The following AOAH variants were observed in gnomAD, a reference collection of about 807,000 sequenced individuals.
AOAH encodes the protein acyloxyacyl hydrolase (neutrophil).
AOAH carries 64 observed loss-of-function variants against 92.2 expected under a neutral mutation model. That is an observed-to-expected ratio of 0.69 (90% CI 0.57 to 0.86). The LOEUF (loss-of-function observed/expected upper bound fraction) is 0.86. Among genes scored for constraint, AOAH ranks in the 40% least tolerant of loss-of-function variants. The probability of loss-of-function intolerance (pLI) is 0.00; values close to 1 mark genes in which losing one functional copy is unlikely to be tolerated. For missense variants in AOAH, 656 were observed against 694.6 expected (o/e 0.94, Z 0.62); for synonymous variants, 263 against 254.5 (o/e 1.03, Z -0.32).
intron 13 of AOAH, among the ~76,000 whole-genome samples, chr7:36,565,164 T>C (rs1185224580): frequency 6.6e-6 from 1 of 152,232 alleles, no homozygotes; most frequent in Non-Finnish European, 1.5e-5. Context: ...CCTTTTTATA[T>C]GAAGCATCTC....
chr7:36,678,438 G>A (rs2116695600), intron 2 of AOAH, among the ~76,000 whole-genome samples: 1 of 152,296 alleles, frequency 6.6e-6, no homozygotes, highest in Middle Eastern at 3.4e-3. Flanking sequence ...ATGCAGAACT[G>A]GCTTAGCCTA....
In AOAH at chr7:36,594,387, T is replaced by G. The variant is rs377277672; in HGVS notation, c.890A>C (p.Asp297Ala). 6.2e-7 allele frequency: 1 copy of G among 1,614,138 alleles called. No individual in the cohort carries two copies. The highest frequency in any genetic ancestry group is 1.3e-5 in the African/African-American group (1 of 75,054). ...TGTAGCACCAGAGAGTTGGGGCCAG[T>G]CAAGCTCGTTGGTAAGGGCTGTTGG... ...NLPTALTNEL[D>A]WPQLSGATGF... The change falls in exon 12 of 21, where the codon GAC becomes GCC. Residue 297 changes from aspartate to alanine, a missense_variant. By Grantham distance (126) the Asp-to-Ala change is moderately radical. Transcript: ENST00000617537.
intron 11 of AOAH, among the ~76,000 whole-genome samples, chr7:36,603,917 C>T (rs1165430976): frequency 1.3e-5 from 2 of 152,188 alleles, no homozygotes. Context: ...TATATTTTCT[C>T]TGTCTATATT....
At chr7:36,639,295 T>C (rs1388486793) in intron 4 of AOAH, among the ~76,000 whole-genome samples, 1 of 152,226 alleles carries the variant, frequency 6.6e-6, no homozygotes, top group Non-Finnish European at 1.5e-5. Context: ...ACTATTCTTA[T>C]GGTGACTTTG....
chr7:36,557,283 T>A (rs1157629262), intron 13 of AOAH, among the ~76,000 whole-genome samples: 3 of 152,316 alleles, frequency 2.0e-5, no homozygotes, highest in Middle Eastern at 3.4e-3. Flanking sequence ...GGTTGAAAAT[T>A]CTTTTCTTTA....
At chr7:36,553,091 G>T (rs954260553) in intron 13 of AOAH, among the ~76,000 whole-genome samples, 1 of 150,286 alleles carries the variant, frequency 6.7e-6, no homozygotes, top group South Asian at 2.1e-4. Context: ...CTAGCATTAG[G>T]TATATCTCCC....
intron 1 of AOAH, among the ~76,000 whole-genome samples, chr7:36,693,845 T>C (rs1270865571): frequency 6.6e-6 from 1 of 152,212 alleles, no homozygotes; most frequent in African/African-American, 2.4e-5. Context: ...GCATCACTTT[T>C]GTTCCTCTTT....
At chr7:36,709,649 T>A (rs1018446719) in intron 1 of AOAH, among the ~76,000 whole-genome samples, 1 of 151,952 alleles carries the variant, frequency 6.6e-6, no homozygotes, top group Non-Finnish European at 1.5e-5. Flanking sequence ...TCTAATTACA[T>A]CTGCATTTTG....
At chr7:36,637,782 T>C in intron 5 of AOAH, 69 bp downstream of exon 5, 1 of 1,450,662 alleles carries the variant, frequency 6.9e-7, no homozygotes, top group Non-Finnish European at 9.7e-7. Context: ...CTTTGGGATG[T>C]GAAAGCCGGG....
chr7:36,671,497 C>T (rs1795921715), intron 3 of AOAH, among the ~76,000 whole-genome samples: 1 of 152,204 alleles, frequency 6.6e-6, no homozygotes, highest in Admixed American at 6.5e-5. Context: ...CAGTTACAAA[C>T]AGCTGTGGTA....
At position 36,619,229 on chromosome 7, in the gene AOAH, A is replaced by G. The variant is rs144982693; in HGVS notation, c.703-884T>C. Among the ~76,000 whole-genome samples the G allele has an allele frequency of 3.3e-5, 5 of 152,272 alleles. No individual in the cohort carries two copies. The East Asian group carries it at 9.6e-4, about 29-fold the overall frequency. On this transcript the variant is annotated intron_variant, in intron 9 of 20. Transcript: ENST00000617537. ...TGGGACACAGTATGGGCAAGATTGG[A>G]CTTCATGGTAAGACTCCCTCTGAGT...
At chr7:36,634,794 A>G (rs1052473357) in intron 5 of AOAH, among the ~76,000 whole-genome samples, 1 of 152,220 alleles carries the variant, frequency 6.6e-6, no homozygotes, top group African/African-American at 2.4e-5. Context: ...AACACTGGTA[A>G]TAGCAAACTA....
At chr7:36,517,214 C>CTTTCTT (rs59205788) in intron 20 of AOAH, among the ~76,000 whole-genome samples, 2,103 of 104,424 alleles carry the variant, frequency 0.02, 36 homozygotes, top group Middle Eastern at 0.053. Context: ...TTCTTTCTTT[C>CTTTCTT]TCTTTCTTTC....
intron 1 of AOAH, among the ~76,000 whole-genome samples, chr7:36,707,084 A>AGGCC (rs1798464811): frequency 6.7e-6 from 1 of 150,310 alleles, no homozygotes; most frequent in South Asian, 2.1e-4. Flanking sequence ...ACTGTTTGGC[A>AGGCC]TATCTTGGCT....
At position 36,652,678 on chromosome 7, in the gene AOAH, G is replaced by A. The variant is rs138218700; in HGVS notation, c.390+6488C>T. Among the ~76,000 whole-genome samples the A allele has an allele frequency of 3.9e-5, 6 of 152,350 alleles. No individual in the cohort carries two copies. The East Asian group carries it at 1.2e-3, about 29-fold the overall frequency. ...GTGATGAAAAGGGTGCTTCACCTCT[G>A]TGGTGTTCTTTCCAAAAACCCCTAA... On this transcript the variant is annotated intron_variant, in intron 4 of 20. Transcript: ENST00000617537.
chr7:36,721,769 C>T (rs1192058771), intron 1 of AOAH, among the ~76,000 whole-genome samples: 1 of 152,148 alleles, frequency 6.6e-6, no homozygotes, highest in Non-Finnish European at 1.5e-5. Flanking sequence ...ATTTCTTGAC[C>T]CTCTCCATCA....
chr7:36,608,918 G>T (rs1020035424), intron 11 of AOAH, among the ~76,000 whole-genome samples: 10 of 134,198 alleles, frequency 7.5e-5, no homozygotes, highest in South Asian at 2.9e-4. Flanking sequence ...GGAGGGGGGG[G>T]GGTCTGGTAC....
intron 1 of AOAH, among the ~76,000 whole-genome samples, chr7:36,710,912 C>T (rs1296482471): frequency 1.3e-5 from 2 of 151,940 alleles, no homozygotes; most frequent in Non-Finnish European, 2.9e-5. Context: ...TTCTAAGTGA[C>T]AGGCTGTTCG....
At chr7:36,705,996 A>G (rs1434265228) in intron 1 of AOAH, among the ~76,000 whole-genome samples, 2 of 152,186 alleles carry the variant, frequency 1.3e-5, no homozygotes, top group Non-Finnish European at 2.9e-5. Flanking sequence ...TACACCTTAT[A>G]CAAAAATTAA....
Sources: allele counts gnomAD v4.1 joint callset (sites outside exome capture counted in the v4.1 genomes callset), GRCh38; gene constraint gnomAD v4.1.1; transcripts MANE v1.5; gene names NCBI Gene and HGNC (gene_info 2026-07-23, HGNC 2026-07-21).